Variants in SPRED2 observed in about 807,000 individuals in gnomAD.
SPRED2 encodes the protein sprouty related EVH1 domain containing 2.
A neutral mutation model predicts 43.0 loss-of-function variants in SPRED2; 47 were observed. The ratio of observed to expected loss-of-function variants is 1.09; its 90% confidence interval spans 0.87 to 1.40. The LOEUF (loss-of-function observed/expected upper bound fraction) is 1.40. SPRED2 is among the 40% of genes most tolerant of loss of function. SPRED2 has a pLI of 0.00. For synonymous variants in SPRED2, 225 were observed against 225.7 expected (o/e 1.00, Z 0.03); for missense variants, 561 against 586.4 (o/e 0.96, Z 0.45).
intron 1 of SPRED2, among the ~76,000 whole-genome samples, chr2:65,420,705 T>G (rs558667483): frequency 1.3e-5 from 2 of 152,214 alleles, no homozygotes; most frequent in Non-Finnish European, 2.9e-5. Context: ...TTCATTTAAG[T>G]GCAATTTGCC....
intron 4 of SPRED2, 60 bp from the exon 5 acceptor site, chr2:65,316,943 C>T (rs1221849851): frequency 6.5e-6 from 10 of 1,539,600 alleles, no homozygotes; most frequent in Non-Finnish European, 8.9e-6. Context: ...CCCCACGCAG[C>T]AAACCCTGAC....
intron 1 of SPRED2, among the ~76,000 whole-genome samples, chr2:65,362,918 G>A (rs1674860146): frequency 1.3e-5 from 2 of 150,240 alleles, no homozygotes; most frequent in East Asian, 2.0e-4. Context: ...GCTCATGCCT[G>A]TAAACCCAGC....
intron 1 of SPRED2, among the ~76,000 whole-genome samples, chr2:65,430,613 G>A (rs1347546179): frequency 6.6e-6 from 1 of 152,178 alleles, no homozygotes; most frequent in African/African-American, 2.4e-5. Context: ...ATGCCTGCGG[G>A]GGGCAAAAGA....
intron 1 of SPRED2, among the ~76,000 whole-genome samples, chr2:65,388,813 C>T (rs893950711): frequency 6.6e-6 from 1 of 152,174 alleles, no homozygotes; most frequent in African/African-American, 2.4e-5. Flanking sequence ...CATGTGGTTT[C>T]ATATTATAAA....
intron 1 of SPRED2, among the ~76,000 whole-genome samples, chr2:65,365,221 G>A (rs1050585789): frequency 2.0e-5 from 3 of 152,134 alleles, no homozygotes; most frequent in Admixed American, 6.5e-5. Flanking sequence ...TAATTAGCAC[G>A]TTACAGCATA....
At chr2:65,406,105 G>A (rs192258035) in intron 1 of SPRED2, among the ~76,000 whole-genome samples, 181 of 152,232 alleles carry the variant, frequency 1.2e-3, no homozygotes, top group African/African-American at 4.3e-3. Flanking sequence ...GGTGCTCCTG[G>A]CCTCTATGTT....
chr2:65,431,295 C>A (rs1236092055), intron 1 of SPRED2, among the ~76,000 whole-genome samples: 1 of 151,584 alleles, frequency 6.6e-6, no homozygotes, highest in East Asian at 1.9e-4. Context: ...CCCGAGCCGC[C>A]CGACCCCGCA....
chr2:65,394,816 G>C (rs1675717347), intron 1 of SPRED2, among the ~76,000 whole-genome samples: 1 of 152,146 alleles, frequency 6.6e-6, no homozygotes. Context: ...TTCAAGTGCT[G>C]GCTAAAAGGC....
chr2:65,383,327 C>T (rs758895153), intron 1 of SPRED2, among the ~76,000 whole-genome samples: 3 of 152,120 alleles, frequency 2.0e-5, no homozygotes, highest in Non-Finnish European at 4.4e-5. Context: ...TCTGTGAGGC[C>T]GGGGCCCTGT....
At chr2:65,400,856 T>A (rs1675868783) in intron 1 of SPRED2, among the ~76,000 whole-genome samples, 1 of 152,216 alleles carries the variant, frequency 6.6e-6, no homozygotes, top group Non-Finnish European at 1.5e-5. Flanking sequence ...GTTCTAGCGT[T>A]CTCTGCTCTA....
chr2:65,410,210 C>G (rs1310583371), intron 1 of SPRED2, among the ~76,000 whole-genome samples: 1 of 151,904 alleles, frequency 6.6e-6, no homozygotes, highest in African/African-American at 2.4e-5. Flanking sequence ...GCACTGCAGC[C>G]TGGATGATGC....
intron 1 of SPRED2, among the ~76,000 whole-genome samples, chr2:65,422,820 T>C (rs1480203814): frequency 6.6e-6 from 1 of 152,154 alleles, no homozygotes; most frequent in African/African-American, 2.4e-5. Context: ...CACACACAGA[T>C]CAATGAGAAG....
At chr2:65,307,949 C>T (rs7422863), downstream of SPRED2, among the ~76,000 whole-genome samples, 7 of 152,130 alleles carry the variant, frequency 4.6e-5, no homozygotes, top group Non-Finnish European at 7.4e-5. Flanking sequence ...CCACACCCCC[C>T]GCCCCCCCCA....
chr2:65,432,149 G>A lies in SPRED2; in HGVS notation c.-162C>T. ...GCCGCAGCAGAAGGGGAAGCAGGGC[G>A]CGGGATAGGGTTTGGGGGAAGGGGT... On this transcript the variant is annotated 5_prime_UTR_variant, in exon 1 of 6. Transcript: ENST00000356388. 1.2e-6 allele frequency: 1 copy of A among 860,350 alleles called. No homozygotes were observed. The allele number at this position is 860,350 out of a possible 1,614,324, so 53.3% of individuals were successfully genotyped here.
chr2:65,426,165 C>A (rs74348442), intron 1 of SPRED2, among the ~76,000 whole-genome samples: 3,078 of 152,248 alleles, frequency 0.02, 93 homozygotes, highest in African/African-American at 0.07. Flanking sequence ...TCAGTTCTCG[C>A]AACAATGAAT....
At chr2:65,386,806 C>T (rs375893930) in intron 1 of SPRED2, among the ~76,000 whole-genome samples, 3 of 152,158 alleles carry the variant, frequency 2.0e-5, no homozygotes, top group South Asian at 2.1e-4. Context: ...TTAAAAATAA[C>T]GTCTACTTTT....
intron 1 of SPRED2, among the ~76,000 whole-genome samples, chr2:65,416,102 C>T (rs1222999333): frequency 6.6e-6 from 1 of 152,126 alleles, no homozygotes; most frequent in African/African-American, 2.4e-5. Flanking sequence ...TTCTAAATCC[C>T]GGATTAGCTA....
At chr2:65,421,413 A>C (rs963539) in intron 1 of SPRED2, among the ~76,000 whole-genome samples, 102,653 of 152,092 alleles carry the variant, frequency 0.67, 35,142 homozygotes, top group African/African-American at 0.76. Flanking sequence ...TCAGTGGCAT[A>C]ATTCCTGGGG....
chr2:65,359,235 T>C (rs947194442), intron 1 of SPRED2, among the ~76,000 whole-genome samples: 12 of 152,202 alleles, frequency 7.9e-5, no homozygotes, highest in Admixed American at 2.6e-4. Flanking sequence ...TTCCGAGTTA[T>C]AACAAGACAG....
Sources: gnomAD v4.1 joint callset for allele counts (sites outside exome capture counted in the v4.1 genomes callset) on GRCh38, gnomAD v4.1.1 for gene constraint, MANE v1.5 for transcripts, NCBI Gene and HGNC (gene_info 2026-07-23, HGNC 2026-07-21) for gene names.